Variants in USP9X observed in about 807,000 individuals in gnomAD.
USP9X encodes ubiquitin carboxyl-terminal hydrolase 9X.
A neutral mutation model predicts 190.3 loss-of-function variants in USP9X; 7 were observed. The ratio of observed to expected loss-of-function variants is 0.04; its 90% confidence interval spans 0.02 to 0.07. The LOEUF (loss-of-function observed/expected upper bound fraction) is 0.07, where lower values mean the gene tolerates loss of function less well. USP9X is among the 10% of genes least tolerant of loss of function. USP9X has a pLI of 1.00. For synonymous variants in USP9X, 645 were observed against 659.5 expected (o/e 0.98, Z 0.34); for missense variants, 1,010 against 1,916.9 (o/e 0.53, Z 8.83).
Position 41,148,353 on chromosome X carries a change from C to T in USP9X, c.1420-16C>T, listed in dbSNP as rs1370105357. On this transcript the variant is annotated splice_polypyrimidine_tract_variant and intron_variant, in intron 11 of 44. Transcript: ENST00000378308. ...CTAAATATGTGTTGTTTTCATGTCA[C>T]TTAATTTTTTTCTAGGCCAGTTGGA... is the stretch of plus-strand genomic sequence containing the variant. 8 of 1,208,095 alleles carry T rather than the reference C, an allele frequency of 6.6e-6. No individual in the cohort carries two copies. The highest frequency in any genetic ancestry group is 7.8e-6 in the Non-Finnish European group (7 of 893,872).
intron 14 of USP9X, among the ~76,000 whole-genome samples, chrX:41,155,550 C>T (rs1435339979): frequency 2.7e-5 from 3 of 111,612 alleles, no homozygotes; most frequent in African/African-American, 9.8e-5. Flanking sequence ...ACTTAGGATG[C>T]TACCTTCTGT....
chrX:41,193,437 A>G (rs1407144512), intron 26 of USP9X, among the ~76,000 whole-genome samples: 2 of 111,376 alleles, frequency 1.8e-5, no homozygotes, highest in African/African-American at 3.3e-5. Context: ...CCAAGACAGG[A>G]GGATCACTTG....
chrX:41,195,281 C>T (rs1048875344), intron 26 of USP9X, among the ~76,000 whole-genome samples: 21 of 110,902 alleles, frequency 1.9e-4, no homozygotes, highest in East Asian at 1.7e-3. Flanking sequence ...CTGATCCGTC[C>T]GCCTCACCCT....
At position 41,167,489 on chromosome X, in the gene USP9X, T is replaced by A. The variant is rs1215849662; in HGVS notation, c.2336T>A (p.Ile779Asn). 1.7e-6 allele frequency: 2 copies of A among 1,203,792 alleles called. No homozygotes were observed. The highest frequency in any genetic ancestry group is 2.2e-6 in the Non-Finnish European group (2 of 890,744). ...TTATCATTTTGAAACCAGGTCGTGA[T>A]TCAGAGTAATGATGATATTGCCAGC... ...IGLDYLWRVV[I>N]QSNDDIASRA... Residue 779 changes from isoleucine (I) to asparagine (N), a missense_variant, in exon 17 of 45, where the codon ATT becomes AAT. Ile to Asn is a moderately radical substitution (Grantham distance 149). Transcript: ENST00000378308.
chrX:41,167,511 C>T lies in USP9X; in HGVS notation c.2358C>T (p.Ala786=). The change falls in exon 17 of 45, where the codon GCC becomes GCT. Residue 786 remains alanine, a synonymous_variant. Transcript: ENST00000378308. The part of the protein sequence containing the change: ...RVVIQSNDDI[A]SRAIDLLKEI... ...TGATTCAGAGTAATGATGATATTGC[C>T]AGCAGAGCTATAGATCTCCTCAAAG... The T allele has an allele frequency of 3.3e-6, 4 of 1,207,003 alleles. No individual in the cohort carries two copies. Among genetic ancestry groups the T allele is most frequent in the Non-Finnish European group, 4.5e-6 (4 of 892,830 alleles).
intron 31 of USP9X, among the ~76,000 whole-genome samples, chrX:41,203,329 T>G (rs1390807755): frequency 1.8e-5 from 2 of 112,016 alleles, no homozygotes. Flanking sequence ...CTGTAGTCAT[T>G]AAGCTACTCC....
chrX:41,198,731 C>T lies in USP9X; in HGVS notation c.4584C>T (p.Tyr1528=), dbSNP rs780704682. 8.3e-7 allele frequency: 1 copy of T among 1,202,687 alleles called. No homozygotes were observed. Among genetic ancestry groups the T allele is most frequent in the Non-Finnish European group, 1.1e-6 (1 of 888,464 alleles). The part of the protein sequence containing the change: ...QIVDSLTEMY[Y]IGTAITTCEA... The stretch of plus-strand genomic sequence containing the variant: ...TAGATTCTTTGACTGAAATGTATTA[C>T]ATTGGCACAGCAATAACTAGTAAGT... Residue 1528 remains tyrosine (Y), a synonymous_variant, in exon 30 of 45, where the codon TAC becomes TAT. Transcript: ENST00000378308.
intron 1 of USP9X, among the ~76,000 whole-genome samples, chrX:41,101,913 TAAAC>T (rs1006662029): frequency 1.8e-5 from 2 of 111,838 alleles, no homozygotes; most frequent in Non-Finnish European, 3.8e-5. Flanking sequence ...TTAAGTGAAA[TAAAC>T]CAGTCACAAA....
chrX:41,113,853 C>T (rs1243652205), intron 1 of USP9X, among the ~76,000 whole-genome samples: 1 of 112,571 alleles, frequency 8.9e-6, no homozygotes, highest in Non-Finnish European at 1.9e-5. Context: ...ATAAAATATA[C>T]ATAAATCTAT....
intron 21 of USP9X, among the ~76,000 whole-genome samples, chrX:41,182,212 A>G (rs931707540): frequency 2.7e-5 from 3 of 110,993 alleles, no homozygotes; most frequent in African/African-American, 9.8e-5. Context: ...TCTCTACAAA[A>G]AAATATGCAA....
At position 41,092,467 on chromosome X, in the gene USP9X, G is replaced by A. The variant is rs778734520; in HGVS notation, c.-159+6358G>A. ...GCCTAACAGTGTTTTCTCTCTGGTC[G>A]AGGTGTAGTGTACAAAGTTTTGGTT... On this transcript the variant is annotated intron_variant, in intron 1 of 44. Coordinates refer to ENST00000378308, the MANE Select transcript of USP9X (RefSeq NM_001039591.3). Among the ~76,000 whole-genome samples, 16 of 111,031 alleles carry A rather than the reference G, an allele frequency of 1.4e-4. 1 individual carries two copies. In the South Asian group the frequency reaches 6.2e-3, roughly 43 times the overall value.
At chrX:41,152,222 C>T (rs1054426358) in intron 13 of USP9X, among the ~76,000 whole-genome samples, 3 of 111,762 alleles carry the variant, frequency 2.7e-5, no homozygotes, top group Admixed American at 9.5e-5. Flanking sequence ...ACATATATCT[C>T]GTTAACAATA....
Position 41,232,821 on chromosome X carries a change from A to ACGTC in USP9X, c.*297_*298insCGTC. 6 of 109,270 alleles carry ACGTC rather than the reference A, an allele frequency of 5.5e-5. No homozygotes were observed. In the East Asian group the frequency reaches 8.6e-4, roughly 16 times the overall value. 9.0% of individuals were successfully genotyped at this position (109,270 alleles called of 1,213,427 possible). ...TAAGCAAGAAACTTTTTTCTTGATG[A>ACGTC]GACTCACAGATCTACACAAACTACA... On this transcript the variant is annotated 3_prime_UTR_variant, in exon 45 of 45. Coordinates refer to ENST00000378308, the MANE Select transcript of USP9X (RefSeq NM_001039591.3).
At chrX:41,168,360 T>C in intron 18 of USP9X, 142 bp downstream of exon 18, 1 of 538,322 alleles carries the variant, frequency 1.9e-6, no homozygotes, top group Non-Finnish European at 2.8e-6. Context: ...TCATCTAATT[T>C]TTTTTAATAA....
Position 41,236,536 on chromosome X carries a change from C to G in USP9X, c.*4012C>G, listed in dbSNP as rs1034090729. 1 of 112,406 alleles carries G rather than the reference C, an allele frequency of 8.9e-6. No individual in the cohort carries two copies. The highest frequency in any genetic ancestry group is 1.9e-5 in the Non-Finnish European group (1 of 53,174). The allele number at this position is 112,406 out of a possible 1,213,427, so 9.3% of individuals were successfully genotyped here. ...CTGACATGAAGATTGTTCACAGTTC[C>G]TAAGATTTAGCACATATACAAAAAT... On this transcript the variant is annotated 3_prime_UTR_variant, in exon 45 of 45. Transcript: ENST00000378308.
At position 41,168,163 on chromosome X, in the gene USP9X, A is replaced by G. The variant is rs760993525; in HGVS notation, c.2581A>G (p.Ile861Val). 2 of 1,211,055 alleles carry G rather than the reference A, an allele frequency of 1.7e-6. No homozygotes were observed. The highest frequency in any genetic ancestry group is 2.2e-6 in the Non-Finnish European group (2 of 895,153). Residue 861 changes from isoleucine (I) to valine (V), a missense_variant, in exon 18 of 45, where the codon ATA becomes GTA. Physicochemically the swap from Ile to Val is conservative, Grantham distance 29 (BLOSUM62 3). Around this residue, in one of 11 missense-constraint regions of USP9X, gnomAD observed 351 missense variants for 480.8 expected, o/e 0.73. Coordinates refer to ENST00000378308, the MANE Select transcript of USP9X (RefSeq NM_001039591.3). ...AGTATTAACTGTTTTAAGGGAATAT[A>G]TAAATGAATGTGACAGTGATTATCA... ...VRVLTVLREY[I>V]NECDSDYHEE...
intron 18 of USP9X, 87 bp from the exon 19 acceptor site, chrX:41,169,908 G>A: frequency 2.8e-6 from 3 of 1,056,659 alleles, no homozygotes; most frequent in Non-Finnish European, 3.9e-6. Context: ...AAAATACTTA[G>A]TGTTAAATCC....
intron 23 of USP9X, among the ~76,000 whole-genome samples, chrX:41,185,502 T>G (rs1364547530): frequency 9.0e-6 from 1 of 111,475 alleles, no homozygotes; most frequent in Admixed American, 9.5e-5. Flanking sequence ...AACAATTTGG[T>G]TCACTGGCGA....
Position 41,123,709 on chromosome X carries a change from C to G in USP9X, c.81C>G (p.Pro27=), listed in dbSNP as rs757981727. ...CTCCTGATGGACAGTCTCAGCCCCC[C>G]CTCCAACAGAATCAGGTAGGATGTT... ...GQAPDGQSQP[P]LQQNQTSSPD... Residue 27 remains proline (P), a synonymous_variant, in exon 2 of 45, where the codon CCC becomes CCG. Transcript: ENST00000378308. 1.3e-4 allele frequency: 163 copies of G among 1,209,341 alleles called. No individual in the cohort carries two copies. Among genetic ancestry groups the G allele is most frequent in the South Asian group, 3.9e-4 (22 of 56,700 alleles).
Sources: allele counts gnomAD v4.1 joint callset (sites outside exome capture counted in the v4.1 genomes callset), GRCh38; gene constraint gnomAD v4.1.1; regional missense constraint gnomAD v4.1.1; transcripts MANE v1.5; gene names NCBI Gene and HGNC (gene_info 2026-07-23, HGNC 2026-07-21).